Variants in ENPP3 observed in about 807,000 individuals in gnomAD.
ENPP3 encodes ectonucleotide pyrophosphatase/phosphodiesterase family member 3.
In ENPP3, 104 loss-of-function variants were observed where a neutral mutation model predicts 117.8. The observed-to-expected ratio is 0.88, with a 90% CI of 0.75 to 1.04. The LOEUF (loss-of-function observed/expected upper bound fraction) is 1.04. ENPP3 is among the 50% of genes least tolerant of loss of function. The probability of loss-of-function intolerance (pLI) is 0.00; values close to 1 mark genes in which losing one functional copy is unlikely to be tolerated. For synonymous variants in ENPP3, 380 were observed against 349.9 expected, an observed-to-expected ratio of 1.09 and a Z score of -0.96; for missense variants, 1,026 against 1,051.9, an observed-to-expected ratio of 0.98 and a Z score of 0.34.
chr6:131,646,046 G>A (rs2114298358), intron 2 of ENPP3, among the ~76,000 whole-genome samples: 2 of 152,246 alleles, frequency 1.3e-5, no homozygotes, highest in South Asian at 4.2e-4. Context: ...CATCTGCACA[G>A]TTCCTTGGTC....
At chr6:131,685,812 C>T (rs1585666889) in intron 13 of ENPP3, 64 bp from the exon 14 acceptor site, 1 of 718,064 alleles carries the variant, frequency 1.4e-6, no homozygotes, top group East Asian at 2.8e-5. Context: ...CTGAGTGGTT[C>T]ACATTCTTTG....
At chr6:131,672,761 C>A (rs1778773494) in intron 7 of ENPP3, among the ~76,000 whole-genome samples, 1 of 151,250 alleles carries the variant, frequency 6.6e-6, no homozygotes, top group African/African-American at 2.4e-5. Context: ...TATTTTTATA[C>A]ATATATATGC....
At chr6:131,639,299 G>C (rs1777995166) in intron 1 of ENPP3, among the ~76,000 whole-genome samples, 1 of 105,036 alleles carries the variant, frequency 9.5e-6, no homozygotes. Context: ...TTTTTTTGGA[G>C]ACATGTTCTC....
rs754458821 is a variant in ENPP3 at position 131,675,134 on chromosome 6, G to C, written c.817G>C (p.Gly273Arg). 1 of 1,613,718 alleles carries C rather than the reference G, an allele frequency of 6.2e-7. No individual in the cohort carries two copies. Among genetic ancestry groups the C allele is most frequent in the South Asian group, 1.1e-5 (1 of 91,068 alleles). The change falls in exon 9 of 25, where the codon GGA becomes CGA. Residue 273 changes from glycine to arginine, a missense_variant. Transcript: ENST00000357639. ...GLKAATYFWP[G>R]SEVAINGSFP... ...AAAAGCCGCTACCTACTTTTGGCCC[G>C]GATCAGAAGTGGCTATAAATGGCTC...
chr6:131,641,416 T>TA (rs778136790), intron 1 of ENPP3, 39 bp from the exon 2 acceptor site: 1 of 1,387,116 alleles, frequency 7.2e-7, no homozygotes, highest in Admixed American at 1.8e-5. Context: ...TGTAATTTTT[T>TA]AAAAAATTAT....
chr6:131,652,016 C>G (rs530037890), intron 3 of ENPP3, among the ~76,000 whole-genome samples: 1 of 152,322 alleles, frequency 6.6e-6, no homozygotes, highest in South Asian at 2.1e-4. Flanking sequence ...CTGTTCTCAT[C>G]CTAAGTCCAT....
chr6:131,695,556 A>T (rs535548667), intron 15 of ENPP3, among the ~76,000 whole-genome samples: 1 of 152,220 alleles, frequency 6.6e-6, no homozygotes, highest in Non-Finnish European at 1.5e-5. Flanking sequence ...TGCCATTAAC[A>T]TACAAAGTAA....
intron 24 of ENPP3, among the ~76,000 whole-genome samples, chr6:131,744,832 CACAT>C (rs1373227837): frequency 1.7e-4 from 25 of 151,080 alleles, no homozygotes; most frequent in African/African-American, 4.9e-4. Context: ...CACACACACA[CACAT>C]ATAAATATCA....
chr6:131,741,007 T>G (rs1780517175), intron 24 of ENPP3, among the ~76,000 whole-genome samples: 1 of 151,978 alleles, frequency 6.6e-6, no homozygotes, highest in African/African-American at 2.4e-5. Context: ...TCCATCAACT[T>G]GAACCATGAG....
intron 1 of ENPP3, among the ~76,000 whole-genome samples, chr6:131,639,265 A>ATATATATATATAT (rs371737976): frequency 9.3e-6 from 1 of 107,208 alleles, no homozygotes; most frequent in African/African-American, 3.9e-5. Context: ...ATATATATAT[A>ATATATATATATAT]TTTTTTTTTT....
At chr6:131,688,833 T>G (rs924813721) in intron 14 of ENPP3, among the ~76,000 whole-genome samples, 4 of 150,196 alleles carry the variant, frequency 2.7e-5, no homozygotes, top group African/African-American at 9.8e-5. Flanking sequence ...AGGTGGATCA[T>G]TTGAGGTCAG....
Position 131,740,372 on chromosome 6 carries a change from A to G in ENPP3, c.2449A>G (p.Ser817Gly). 1 of 1,607,546 alleles carries G rather than the reference A, an allele frequency of 6.2e-7. No individual in the cohort carries two copies. Among genetic ancestry groups the G allele is most frequent in the Non-Finnish European group, 8.5e-7 (1 of 1,176,876 alleles). The change falls in exon 24 of 25, where the codon AGC (serine) becomes GGC (glycine). Residue 817 changes from serine to glycine, a missense_variant. Ser to Gly is a moderately conservative substitution (Grantham distance 56). Coordinates refer to ENST00000357639, the MANE Select transcript of ENPP3 (RefSeq NM_005021.5). ...CCCTCACCGACCTACCAACGTGGAG[A>G]GCTGTCCTGTGAGTATGCTTTGGGA... Reference protein sequence around the residue: ...IIPHRPTNVESCPEGKPEALW... With the variant: ...IIPHRPTNVEGCPEGKPEALW...
At chr6:131,733,777 T>C in intron 21 of ENPP3, 54 bp downstream of exon 21, 1 of 1,580,898 alleles carries the variant, frequency 6.3e-7, no homozygotes, top group Non-Finnish European at 8.7e-7. Context: ...ATCAGCTGGA[T>C]GTGGGCATGT....
At chr6:131,682,165 A>G (rs918425777) in intron 11 of ENPP3, among the ~76,000 whole-genome samples, 1 of 152,074 alleles carries the variant, frequency 6.6e-6, no homozygotes, top group Admixed American at 6.6e-5. Context: ...TTTCATGGAT[A>G]TAGAGTAAGT....
chr6:131,675,771 G>A (rs925977560), intron 9 of ENPP3, among the ~76,000 whole-genome samples: 1 of 152,150 alleles, frequency 6.6e-6, no homozygotes, highest in Non-Finnish European at 1.5e-5. Context: ...GGAGGTGGAG[G>A]TTGCAGTGAG....
At position 131,726,068 on chromosome 6, in the gene ENPP3, T is replaced by C. The variant is rs756586830; in HGVS notation, c.1821T>C (p.Asn607=). Reference sequence around the variant, plus strand: ...TAGTAACAGCAACAGTGAAAGTAAATTTGCCATTTGGGAGGCCTAGGGTAC... The same window carrying C: ...TAGTAACAGCAACAGTGAAAGTAAACTTGCCATTTGGGAGGCCTAGGGTAC... ...QEEITATVKV[N]LPFGRPRVLQ... is the part of the protein sequence containing the mutation. The change falls in exon 20 of 25, where the codon AAT becomes AAC. Residue 607 remains asparagine, a synonymous_variant. Coordinates refer to ENST00000357639, the MANE Select transcript of ENPP3 (RefSeq NM_005021.5). 5 of 1,612,116 alleles carry C rather than the reference T, an allele frequency of 3.1e-6. No individual in the cohort carries two copies. In the South Asian group the frequency reaches 4.4e-5, roughly 14 times the overall value.
chr6:131,734,740 A>G (rs1306067956), intron 21 of ENPP3, among the ~76,000 whole-genome samples: 1 of 151,854 alleles, frequency 6.6e-6, no homozygotes, highest in Non-Finnish European at 1.5e-5. Context: ...CGTCTCTACT[A>G]AAAATAGAAA....
chr6:131,742,069 T>C (rs1450661043), intron 24 of ENPP3, among the ~76,000 whole-genome samples: 1 of 152,088 alleles, frequency 6.6e-6, no homozygotes, highest in Non-Finnish European at 1.5e-5. Context: ...GTCATGTAGA[T>C]ACGATTTTAC....
At chr6:131,643,941 GTC>G (rs1223113189) in intron 2 of ENPP3, among the ~76,000 whole-genome samples, 2 of 126,848 alleles carry the variant, frequency 1.6e-5, no homozygotes, top group African/African-American at 3.4e-5. Flanking sequence ...GTGTGTGTGT[GTC>G]TGTGTGTGTG....
Sources: gnomAD v4.1 joint callset for allele counts (sites outside exome capture counted in the v4.1 genomes callset) on GRCh38, gnomAD v4.1.1 for gene constraint, MANE v1.5 for transcripts, NCBI Gene and HGNC (gene_info 2026-07-23, HGNC 2026-07-21) for gene names.